Variants in CNTNAP2 observed in about 807,000 individuals in gnomAD.
CNTNAP2 encodes contactin associated protein 2.
A neutral mutation model predicts 155.2 loss-of-function variants in CNTNAP2; 98 were observed. The observed-to-expected ratio is 0.63, with a 90% CI of 0.54 to 0.75. The LOEUF is 0.75. CNTNAP2 is among the 30% of genes least tolerant of loss of function. CNTNAP2 has a pLI of 0.00. For missense variants in CNTNAP2, 1,727 were observed against 1,688.1 expected (o/e 1.02, Z -0.40); for synonymous variants, 651 against 631.2 (o/e 1.03, Z -0.47).
intron 13 of CNTNAP2, among the ~76,000 whole-genome samples, chr7:147,758,605 A>G (rs1400644227): frequency 6.6e-6 from 1 of 152,164 alleles, no homozygotes; most frequent in East Asian, 1.9e-4. Context: ...GCACTTTGGG[A>G]GGCTGAGGCA....
At chr7:148,101,997 G>C (rs1804111492) in intron 15 of CNTNAP2, among the ~76,000 whole-genome samples, 1 of 152,122 alleles carries the variant, frequency 6.6e-6, no homozygotes, top group Non-Finnish European at 1.5e-5. Flanking sequence ...TTTATTTTAG[G>C]TTCAGGGGTA....
At chr7:147,339,048 C>G (rs1795711638) in intron 9 of CNTNAP2, among the ~76,000 whole-genome samples, 1 of 152,058 alleles carries the variant, frequency 6.6e-6, no homozygotes, top group African/African-American at 2.4e-5. Flanking sequence ...GAAATACAAA[C>G]AGCTTCATAT....
intron 15 of CNTNAP2, among the ~76,000 whole-genome samples, chr7:148,080,327 C>T (rs1404423994): frequency 2.6e-5 from 4 of 152,056 alleles, no homozygotes; most frequent in Admixed American, 6.5e-5. Context: ...ATAAAGCGGC[C>T]GGGCACGGTG....
chr7:146,795,457 G>A (rs1802752012), intron 2 of CNTNAP2, among the ~76,000 whole-genome samples: 1 of 152,154 alleles, frequency 6.6e-6, no homozygotes, highest in African/African-American at 2.4e-5. Context: ...GTGTTCCTGG[G>A]GAAAACTAGC....
chr7:148,067,750 G>A (rs1803295814), intron 15 of CNTNAP2, among the ~76,000 whole-genome samples: 1 of 152,222 alleles, frequency 6.6e-6, no homozygotes, highest in South Asian at 2.1e-4. Context: ...TGCCAGGGCA[G>A]GTAGGGAAAG....
intron 1 of CNTNAP2, among the ~76,000 whole-genome samples, chr7:146,482,907 T>C (rs1041540265): frequency 1.3e-5 from 2 of 152,158 alleles, no homozygotes; most frequent in South Asian, 4.2e-4. Context: ...TCCATAAACA[T>C]TTAAATTATT....
At chr7:148,020,310 CAAAG>C (rs550750631) in intron 15 of CNTNAP2, among the ~76,000 whole-genome samples, 17 of 152,252 alleles carry the variant, frequency 1.1e-4, no homozygotes, top group African/African-American at 4.1e-4. Context: ...ATACTGGAAA[CAAAG>C]AAAAACAAGG....
chr7:147,109,123 G>A (rs1203515059), intron 5 of CNTNAP2, among the ~76,000 whole-genome samples: 4 of 152,138 alleles, frequency 2.6e-5, no homozygotes, highest in African/African-American at 4.8e-5. Context: ...TTTATCAAGC[G>A]CATTGAGACT....
intron 11 of CNTNAP2, among the ~76,000 whole-genome samples, chr7:147,560,614 A>G (rs1051372727): frequency 6.6e-6 from 1 of 152,134 alleles, no homozygotes; most frequent in Middle Eastern, 3.4e-3. Context: ...CAAATGAGCA[A>G]TACCAAAATA....
At chr7:147,525,541 G>A (rs900742356) in intron 11 of CNTNAP2, among the ~76,000 whole-genome samples, 3 of 152,204 alleles carry the variant, frequency 2.0e-5, no homozygotes, top group African/African-American at 4.8e-5. Flanking sequence ...CGTGTCCAGA[G>A]CATATAAAGA....
At chr7:147,111,352 G>T (rs1260345914) in intron 5 of CNTNAP2, among the ~76,000 whole-genome samples, 1 of 152,116 alleles carries the variant, frequency 6.6e-6, no homozygotes, top group African/African-American at 2.4e-5. Context: ...CTTTTACTGT[G>T]CAGAAGCACT....
intron 13 of CNTNAP2, among the ~76,000 whole-genome samples, chr7:147,792,605 A>T (rs1797837388): frequency 1.3e-5 from 2 of 152,116 alleles, no homozygotes; most frequent in South Asian, 4.1e-4. Flanking sequence ...ATAATTTATC[A>T]ACTGAAGGAC....
rs1196327229 is a variant in CNTNAP2 at position 147,788,137 on chromosome 7, A to G, written c.2099-115428A>G. Among the ~76,000 whole-genome samples the G allele has an allele frequency of 1.2e-4, 19 of 152,204 alleles. 1 individual carries two copies. The highest frequency in any genetic ancestry group is 1.2e-3 in the Admixed American group (19 of 15,280). On this transcript the variant is annotated intron_variant, in intron 13 of 23. Coordinates refer to ENST00000361727, the MANE Select transcript of CNTNAP2 (RefSeq NM_014141.6). ...GGTTATTAACTCTTGTTATTTGTGC[A>G]GAATCTTGGATCACTTAAATTATTT...
chr7:147,472,502 C>A (rs1217418541), intron 10 of CNTNAP2, among the ~76,000 whole-genome samples: 1 of 152,110 alleles, frequency 6.6e-6, no homozygotes, highest in Non-Finnish European at 1.5e-5. Flanking sequence ...CGTGAGCCAC[C>A]ACACTCAGCC....
chr7:147,240,940 C>T (rs577220919), intron 8 of CNTNAP2, among the ~76,000 whole-genome samples: 1 of 152,270 alleles, frequency 6.6e-6, no homozygotes, highest in South Asian at 2.1e-4. Context: ...TGAGGTGGGA[C>T]ACTTTTATTT....
chr7:146,602,824 A>G (rs1437300738), intron 1 of CNTNAP2, among the ~76,000 whole-genome samples: 1 of 152,184 alleles, frequency 6.6e-6, no homozygotes, highest in Non-Finnish European at 1.5e-5. Flanking sequence ...CAAGTTTGAA[A>G]CACCAAAGAT....
At chr7:146,375,660 A>C (rs890129123) in intron 1 of CNTNAP2, among the ~76,000 whole-genome samples, 2 of 152,152 alleles carry the variant, frequency 1.3e-5, no homozygotes, top group African/African-American at 4.8e-5. Context: ...TTAATGAATA[A>C]CTCTGATTGC....
At chr7:148,142,093 C>CTGTGTGTG (rs71527881) in intron 16 of CNTNAP2, among the ~76,000 whole-genome samples, 8,604 of 136,270 alleles carry the variant, frequency 0.063, 244 homozygotes, top group African/African-American at 0.11. Context: ...AGATATGTCT[C>CTGTGTGTG]TGTGTGTGTG....
At chr7:147,854,096 G>A (rs1486601017) in intron 13 of CNTNAP2, among the ~76,000 whole-genome samples, 1 of 152,132 alleles carries the variant, frequency 6.6e-6, no homozygotes, top group African/African-American at 2.4e-5. Flanking sequence ...CAGCTTGTGT[G>A]CCTACCTCCA....
Sources: allele counts gnomAD v4.1 joint callset (sites outside exome capture counted in the v4.1 genomes callset), GRCh38; gene constraint gnomAD v4.1.1; transcripts MANE v1.5; gene names NCBI Gene and HGNC (gene_info 2026-07-23, HGNC 2026-07-21).